Variants in FBXL17 observed in about 807,000 individuals in gnomAD.
The protein encoded by FBXL17 is F-box/LRR-repeat protein 17.
A neutral mutation model predicts 66.2 loss-of-function variants in FBXL17; 22 were observed. The ratio of observed to expected loss-of-function variants is 0.33; its 90% CI spans 0.24 to 0.47. The LOEUF is 0.47. FBXL17 is among the 20% of genes least tolerant of loss of function. The pLI is 1.00. For synonymous variants in FBXL17, 474 were observed against 400.5 expected (o/e 1.18, Z -2.19); for missense variants, 878 against 948.2 (o/e 0.93, Z 0.97).
intron 6 of FBXL17, among the ~76,000 whole-genome samples, chr5:108,175,806 T>C (rs571172983): frequency 3.9e-5 from 6 of 152,320 alleles, no homozygotes; most frequent in Non-Finnish European, 8.8e-5. Context: ...TCTTCTAAAA[T>C]ATTTCTATAT....
chr5:107,874,359 A>T (rs182100600), intron 8 of FBXL17, among the ~76,000 whole-genome samples: 21 of 152,344 alleles, frequency 1.4e-4, no homozygotes, highest in Non-Finnish European at 1.0e-4. Context: ...GAATAAATAT[A>T]ATGATAATGC....
intron 5 of FBXL17, among the ~76,000 whole-genome samples, chr5:108,211,574 T>C (rs1458254319): frequency 6.6e-6 from 1 of 152,214 alleles, no homozygotes; most frequent in South Asian, 2.1e-4. Flanking sequence ...TTATTTCTCC[T>C]TTGCTTATGA....
At chr5:108,192,551 T>C (rs1021114146) in intron 5 of FBXL17, among the ~76,000 whole-genome samples, 8 of 152,144 alleles carry the variant, frequency 5.3e-5, no homozygotes, top group Admixed American at 2.6e-4. Context: ...AACATAAGCT[T>C]GGTGGATTAT....
intron 7 of FBXL17, among the ~76,000 whole-genome samples, chr5:107,895,887 C>T (rs1171801591): frequency 6.6e-6 from 1 of 152,112 alleles, no homozygotes; most frequent in Non-Finnish European, 1.5e-5. Flanking sequence ...TGATTTACGT[C>T]GTTTTTGTGT....
At chr5:107,861,946 TCA>T in intron 8 of FBXL17, 86 bp from the exon 9 acceptor site, 1 of 1,343,222 alleles carries the variant, frequency 7.4e-7, no homozygotes, top group Non-Finnish European at 9.7e-7. Context: ...TGCAGCTGGC[TCA>T]CTGTGACACG....
chr5:108,062,417 A>T (rs1747958616), intron 6 of FBXL17, among the ~76,000 whole-genome samples: 1 of 152,166 alleles, frequency 6.6e-6, no homozygotes, highest in Non-Finnish European at 1.5e-5. Context: ...TATCTTTAAT[A>T]GTATAGATAT....
intron 4 of FBXL17, among the ~76,000 whole-genome samples, chr5:108,272,796 T>C (rs1408019763): frequency 1.3e-5 from 2 of 152,228 alleles, no homozygotes; most frequent in African/African-American, 4.8e-5. Context: ...GGTCACATCA[T>C]GAATACAGCT....
chr5:108,109,479 T>G (rs1749945814), intron 6 of FBXL17, among the ~76,000 whole-genome samples: 2 of 152,210 alleles, frequency 1.3e-5, no homozygotes, highest in Admixed American at 1.3e-4. Context: ...TTCTCTGTAT[T>G]GACTGACTTT....
chr5:108,022,485 T>TA (rs79047648), intron 6 of FBXL17, among the ~76,000 whole-genome samples: 23,973 of 151,802 alleles, frequency 0.16, 2,288 homozygotes, highest in South Asian at 0.43. Context: ...CCTAAATCAT[T>TA]AAAAAATAAT....
chr5:108,020,149 T>C (rs1754534270), intron 7 of FBXL17, among the ~76,000 whole-genome samples: 1 of 151,900 alleles, frequency 6.6e-6, no homozygotes, highest in Admixed American at 6.6e-5. Context: ...AAGAATATTC[T>C]CAAATTTAAA....
At chr5:107,919,081 G>A (rs1750226233) in intron 7 of FBXL17, among the ~76,000 whole-genome samples, 1 of 152,032 alleles carries the variant, frequency 6.6e-6, no homozygotes, top group African/African-American at 2.4e-5. Context: ...AATATTACCA[G>A]TATCATGTTC....
chr5:108,381,429 TC>T lies in FBXL17; in HGVS notation c.262del (p.Asp88ThrfsTer270). ...GGAGGAGGCGGCAGCGTAGGCCCCG[TC>T]CCGCGGCGGCGGCGAGAGCGGCGGC... ...EEPPLSPPPRDGAYAAASSSQ... is the reference protein window; with the variant it reads ...EEPPLSPPPRXGAYAAASSSQ... On this transcript the variant is annotated frameshift_variant, in exon 1 of 9. Transcript: ENST00000542267. LOFTEE classifies it high-confidence loss of function. 1.5e-6 allele frequency: 2 copies of T among 1,315,604 alleles called. No individual in the cohort carries two copies. Among genetic ancestry groups the T allele is most frequent in the South Asian group, 2.2e-5 (1 of 44,906 alleles). The allele number at this position is 1,315,604 out of a possible 1,614,324, so 81.5% of individuals were successfully genotyped here.
chr5:108,158,539 A>G (rs1752087019), intron 6 of FBXL17, among the ~76,000 whole-genome samples: 1 of 151,208 alleles, frequency 6.6e-6, no homozygotes, highest in Non-Finnish European at 1.5e-5. Flanking sequence ...GTGTGCATCC[A>G]CATTTGCACA....
chr5:108,005,332 A>C (rs1753884732), intron 7 of FBXL17, among the ~76,000 whole-genome samples: 2 of 152,168 alleles, frequency 1.3e-5, no homozygotes, highest in African/African-American at 4.8e-5. Flanking sequence ...GGATTTCAGA[A>C]ACAGCACTGT....
intron 5 of FBXL17, among the ~76,000 whole-genome samples, chr5:108,218,822 T>G (rs1754723155): frequency 6.6e-6 from 1 of 152,194 alleles, no homozygotes. Flanking sequence ...ATATTTTGGA[T>G]AGTAGCTCCT....
chr5:108,024,361 A>G (rs943922085), intron 6 of FBXL17, among the ~76,000 whole-genome samples: 8 of 152,180 alleles, frequency 5.3e-5, no homozygotes, highest in African/African-American at 1.9e-4. Flanking sequence ...ATCTGTCTTA[A>G]CAAGAGAGAA....
chr5:108,364,840 C>T lies in FBXL17; in HGVS notation c.1272G>A (p.Gln424=). 6.2e-7 allele frequency: 1 copy of T among 1,612,960 alleles called. No homozygotes were observed. Among genetic ancestry groups the T allele is most frequent in the Non-Finnish European group, 8.5e-7 (1 of 1,179,228 alleles). The part of the protein sequence containing the change: ...LLRYTAYRCK[Q]LSDTSIIAVA... ...CCGCAATAATAGAGGTGTCAGAAAG[C>T]TGTTTACACCTGTAGGCTGTATACC... The change falls in exon 3 of 9, where the codon CAG becomes CAA. Residue 424 remains glutamine, a synonymous_variant. Transcript: ENST00000542267.
At chr5:108,089,258 AG>A (rs1327073132) in intron 6 of FBXL17, among the ~76,000 whole-genome samples, 2 of 152,216 alleles carry the variant, frequency 1.3e-5, no homozygotes, top group African/African-American at 4.8e-5. Flanking sequence ...AAAACATTGC[AG>A]TGTTGCTGCT....
At chr5:107,970,165 T>C (rs981501347) in intron 7 of FBXL17, among the ~76,000 whole-genome samples, 2 of 152,168 alleles carry the variant, frequency 1.3e-5, no homozygotes, top group African/African-American at 2.4e-5. Flanking sequence ...GTTGGGCAGA[T>C]AGAACTTTCC....
Sources: gnomAD v4.1 joint callset for allele counts (sites outside exome capture counted in the v4.1 genomes callset) on GRCh38, gnomAD v4.1.1 for gene constraint, MANE v1.5 for transcripts, NCBI Gene and HGNC (gene_info 2026-07-23, HGNC 2026-07-21) for gene names.